The following P2RY12 variants were observed in gnomAD, a reference collection of about 807,000 sequenced individuals.
P2RY12 encodes the protein P2Y purinoceptor 12.
Under a neutral mutation model 4.5 loss-of-function variants are expected in P2RY12, and 3 were observed. The observed-to-expected ratio is 0.67, with a 90% CI of 0.31 to 1.74. P2RY12 has a LOEUF of 1.74. Ranked by LOEUF, P2RY12 falls within the 40% of genes most tolerant of loss-of-function variation. P2RY12 has a pLI of 0.09. For synonymous variants in P2RY12, 148 were observed against 154.1 expected, an observed-to-expected ratio of 0.96 and a Z score of 0.29; for missense variants, 356 against 407.8, an observed-to-expected ratio of 0.87 and a Z score of 1.09.
intron 1 of P2RY12, among the ~76,000 whole-genome samples, chr3:151,348,489 AT>A (rs1428860714): frequency 6.6e-6 from 1 of 152,020 alleles, no homozygotes; most frequent in Non-Finnish European, 1.5e-5. Context: ...GTATCCTATG[AT>A]TAGGAATATC....
chr3:151,371,452 G>C (rs1756174566), intron 1 of P2RY12, among the ~76,000 whole-genome samples: 1 of 152,116 alleles, frequency 6.6e-6, no homozygotes, highest in South Asian at 2.1e-4. Flanking sequence ...TACTCTTTGT[G>C]TTTGTATTTT....
At chr3:151,368,079 T>C (rs1755509896) in intron 1 of P2RY12, 4 of 1,220,606 alleles carry the variant, frequency 3.3e-6, no homozygotes, top group Non-Finnish European at 4.7e-6. Context: ...GAAATTTAGC[T>C]TAATAGGAAA....
chr3:151,375,214 G>A (rs1756682974), intron 1 of P2RY12, among the ~76,000 whole-genome samples: 1 of 152,160 alleles, frequency 6.6e-6, no homozygotes, highest in South Asian at 2.1e-4. Flanking sequence ...TGGGCCCTGG[G>A]CATGGAATTT....
intron 1 of P2RY12, chr3:151,369,411 T>C (rs750207421): frequency 1.4e-6 from 2 of 1,456,012 alleles, no homozygotes; most frequent in Non-Finnish European, 1.9e-6. Context: ...GTAATGAGAC[T>C]ATTAAAGATT....
intron 1 of P2RY12, chr3:151,376,171 A>T: frequency 6.2e-7 from 1 of 1,604,418 alleles, no homozygotes; most frequent in Non-Finnish European, 8.5e-7. Context: ...GAATGTACCG[A>T]GGGGGACAAT....
chr3:151,343,809 T>A (rs1752193775), intron 1 of P2RY12, among the ~76,000 whole-genome samples: 1 of 152,200 alleles, frequency 6.6e-6, no homozygotes, highest in Non-Finnish European at 1.5e-5. Context: ...TCTGAAAATG[T>A]TTGCTTCAAA....
intron 1 of P2RY12, among the ~76,000 whole-genome samples, chr3:151,366,783 A>G (rs1437129316): frequency 1.3e-5 from 2 of 152,184 alleles, no homozygotes; most frequent in Non-Finnish European, 2.9e-5. Context: ...TTATGTATAT[A>G]AAATTCATAG....
At chr3:151,342,614 G>A (rs1204757334) in intron 1 of P2RY12, among the ~76,000 whole-genome samples, 2 of 152,152 alleles carry the variant, frequency 1.3e-5, no homozygotes, top group African/African-American at 4.8e-5. Context: ...AATGGAATAA[G>A]AATTTTGTTG....
chr3:151,354,072 C>T (rs373960241), intron 1 of P2RY12, among the ~76,000 whole-genome samples: 2 of 129,194 alleles, frequency 1.5e-5, no homozygotes, highest in Non-Finnish European at 3.2e-5. Context: ...ACCCGGGAGG[C>T]GGAGCTTGCA....
At chr3:151,383,674 C>T in intron 1 of P2RY12, 1 of 682,832 alleles carries the variant, frequency 1.5e-6, no homozygotes, top group Non-Finnish European at 2.5e-6. Flanking sequence ...TAGAGCATCC[C>T]TTGTTTTTTT....
chr3:151,337,598 T>C lies in P2RY12; in HGVS notation c.*219A>G, dbSNP rs1751183742. On this transcript the variant is annotated 3_prime_UTR_variant, in exon 3 of 3. Transcript: ENST00000302632. ...GCATGACAATTGGATGTCGTTTGTT[T>C]TGCTGCTAATACAGCTACAGTTTAG... The C allele has an allele frequency of 3.8e-6, 2 of 528,542 alleles. No individual in the cohort carries two copies. The highest frequency in any genetic ancestry group is 6.6e-6 in the Non-Finnish European group (2 of 302,854). The allele number at this position is 528,542 out of a possible 1,614,324, so 32.7% of individuals were successfully genotyped here.
intron 1 of P2RY12, chr3:151,360,639 G>T (rs1175371652): frequency 5.7e-6 from 9 of 1,583,970 alleles, no homozygotes; most frequent in South Asian, 1.2e-5. Flanking sequence ...ACAGAAATAG[G>T]ATCATGCCTA....
intron 1 of P2RY12, among the ~76,000 whole-genome samples, chr3:151,349,227 G>A (rs1262723013): frequency 6.6e-6 from 1 of 151,626 alleles, no homozygotes; most frequent in Non-Finnish European, 1.5e-5. Context: ...TCGTTATGCT[G>A]TGACTAAATT....
At position 151,348,359 on chromosome 3, in the gene P2RY12, A is replaced by G. The variant is rs898334213; in HGVS notation, c.-179-7599T>C. On this transcript the variant is annotated intron_variant, in intron 1 of 2. Transcript: ENST00000302632. The stretch of plus-strand genomic sequence containing the variant: ...CCAGACCAAAAAAAAAAAAAAAAAA[A>G]AAAAGAAAAAAGAAATATATCAGTA... Among the ~76,000 whole-genome samples, 42 of 44,540 alleles carry G rather than the reference A, an allele frequency of 9.4e-4. 1 individual carries two copies. The highest frequency in any genetic ancestry group is 0.017 in the Middle Eastern group (1 of 60). The allele number at this position is 44,540 out of a possible 152,430, so 29.2% of individuals were successfully genotyped here.
In P2RY12 at chr3:151,341,612, A is replaced by G. The variant is rs113620659; in HGVS notation, c.-179-852T>C. 6.8e-3 allele frequency among the ~76,000 whole-genome samples: 1,031 copies of G among 151,530 alleles called. 10 individuals carry two copies. Among genetic ancestry groups the G allele is most frequent in the South Asian group, 0.024 (114 of 4,802 alleles). ...ATTATTATACGTTAAGTTTTAGGGT[A>G]CATGTGCACAATGTGCAGGTTAGTT... On this transcript the variant is annotated intron_variant, in intron 1 of 2. Transcript: ENST00000302632.
chr3:151,382,638 T>A (rs1346306027), intron 1 of P2RY12: 3 of 1,589,396 alleles, frequency 1.9e-6, no homozygotes, highest in Non-Finnish European at 2.6e-6. Flanking sequence ...TAATGGGGAG[T>A]TTTTTTCCGG....
At chr3:151,378,071 C>G in intron 1 of P2RY12, 1 of 1,610,520 alleles carries the variant, frequency 6.2e-7, no homozygotes, top group Non-Finnish European at 8.5e-7. Flanking sequence ...TTGCCAACTT[C>G]TGTGCAAGGA....
At chr3:151,351,567 C>T (rs528712649) in intron 1 of P2RY12, among the ~76,000 whole-genome samples, 294 of 152,250 alleles carry the variant, frequency 1.9e-3, no homozygotes, top group Middle Eastern at 3.4e-3. Flanking sequence ...TTGGTGTTTT[C>T]TCTGTCTTAG....
intron 1 of P2RY12, among the ~76,000 whole-genome samples, chr3:151,363,312 CAG>C (rs1308896895): frequency 2.6e-5 from 4 of 152,134 alleles, no homozygotes; most frequent in Non-Finnish European, 1.5e-5. Flanking sequence ...GCTGGATACA[CAG>C]AGAGATTTCT....
Sources: allele counts gnomAD v4.1 joint callset (sites outside exome capture counted in the v4.1 genomes callset), GRCh38; gene constraint gnomAD v4.1.1; transcripts MANE v1.5; gene names NCBI Gene and HGNC (gene_info 2026-07-23, HGNC 2026-07-21).